Variants in SLAIN2 observed in about 807,000 individuals in gnomAD.
SLAIN2 encodes SLAIN motif-containing protein 2.
Under a neutral mutation model 56.6 loss-of-function variants are expected in SLAIN2, and 31 were observed. That is an observed-to-expected ratio of 0.55 (90% CI 0.41 to 0.74). SLAIN2 has a LOEUF of 0.74. SLAIN2 is among the 30% of genes least tolerant of loss of function. SLAIN2 has a pLI of 0.00. For synonymous variants in SLAIN2, 317 were observed against 284.9 expected (o/e 1.11, Z -1.13); for missense variants, 777 against 754.2 (o/e 1.03, Z -0.35).
At chr4:48,350,194 G>C (rs1462657025) in intron 1 of SLAIN2, among the ~76,000 whole-genome samples, 1 of 152,162 alleles carries the variant, frequency 6.6e-6, no homozygotes, top group Non-Finnish European at 1.5e-5. Flanking sequence ...CTCACATCCT[G>C]TGAGCCTTCT....
rs571522686 is a variant in SLAIN2, at chr4:48,371,994, G to GCA, written c.538+2014_538+2015dup. On this transcript the variant is annotated intron_variant, in intron 2 of 7. Transcript: ENST00000264313. ...TATACACACACACACACACACGCGC[G>GCA]CACACACACACACACACATATACAT... 4.0e-3 allele frequency among the ~76,000 whole-genome samples: 555 copies of GCA among 139,196 alleles called. 1 individual carries two copies. Among genetic ancestry groups the GCA allele is most frequent in the Non-Finnish European group, 5.4e-3 (335 of 62,290 alleles). 91.3% of individuals were successfully genotyped at this position (139,196 alleles called of 152,430 possible).
intron 6 of SLAIN2, among the ~76,000 whole-genome samples, chr4:48,413,731 A>G (rs146331421): frequency 2.0e-5 from 3 of 152,250 alleles, no homozygotes; most frequent in Non-Finnish European, 2.9e-5. Flanking sequence ...TATTTTTATT[A>G]CTATATACTT....
At chr4:48,372,031 TATATAC>T (rs565901733) in intron 2 of SLAIN2, among the ~76,000 whole-genome samples, 2,284 of 144,168 alleles carry the variant, frequency 0.016, 43 homozygotes, top group African/African-American at 0.057. Flanking sequence ...TATACACATA[TATATAC>T]ATATACATAT....
chr4:48,346,276 C>T (rs1714862338), intron 1 of SLAIN2, among the ~76,000 whole-genome samples: 1 of 151,972 alleles, frequency 6.6e-6, no homozygotes, highest in South Asian at 2.1e-4. Flanking sequence ...TTCCTTTTAT[C>T]CAGACTTTTG....
At chr4:48,421,929 A>C in intron 7 of SLAIN2, 82 bp from the exon 8 acceptor site, 1 of 1,133,808 alleles carries the variant, frequency 8.8e-7, no homozygotes, top group Non-Finnish European at 1.3e-6. Context: ...CCTGAAGAGT[A>C]ATTAATATAT....
intron 6 of SLAIN2, among the ~76,000 whole-genome samples, chr4:48,404,294 G>C (rs764701523): frequency 1.3e-4 from 20 of 152,152 alleles, no homozygotes; most frequent in Non-Finnish European, 1.9e-4. Flanking sequence ...TAGACTACTT[G>C]AAAATGGAGA....
At chr4:48,370,138 T>C in intron 2 of SLAIN2, 141 bp downstream of exon 2, 1 of 846,096 alleles carries the variant, frequency 1.2e-6, no homozygotes, top group Non-Finnish European at 1.8e-6. Flanking sequence ...TGAGAGTTTT[T>C]CCCATGTTCA....
At chr4:48,342,742 C>G (rs1479557978) in intron 1 of SLAIN2, among the ~76,000 whole-genome samples, 2 of 40,744 alleles carry the variant, frequency 4.9e-5, no homozygotes, top group East Asian at 8.1e-4. Flanking sequence ...TTTTGTTACT[C>G]TGTGTGAAGA....
rs1716432801 is a variant in SLAIN2, at chr4:48,397,551, G to T, written c.1360+13767G>T. On this transcript the variant is annotated intron_variant, in intron 6 of 7. Transcript: ENST00000264313. ...TGGGGTACATGTGCAGGATGTGCAGGTTTGTTACATAGGTAAATGTGTGCC... is the reference window on the plus strand; with the variant it reads ...TGGGGTACATGTGCAGGATGTGCAGTTTTGTTACATAGGTAAATGTGTGCC... 2.0e-5 allele frequency among the ~76,000 whole-genome samples: 3 copies of T among 152,070 alleles called. No homozygotes were observed. The South Asian group carries it at 6.2e-4, about 32-fold the overall frequency.
chr4:48,341,657 G>T lies in SLAIN2; in HGVS notation c.-83G>T. On this transcript the variant is annotated 5_prime_UTR_variant, in exon 1 of 8. Transcript: ENST00000264313. ...CGGCGCCTCGGCTAGAGTGAGCGGC[G>T]GCGACGCCTCTTTCCTCCGTCTCTT... The T allele has an allele frequency of 6.8e-7, 1 of 1,478,670 alleles. No homozygotes were observed. The allele number at this position is 1,478,670 out of a possible 1,614,324, so 91.6% of individuals were successfully genotyped here. A position where few individuals can be genotyped will look rare whatever the true frequency, so the allele number is the denominator to read the frequency against.
chr4:48,410,439 G>T (rs1453561459), intron 6 of SLAIN2, among the ~76,000 whole-genome samples: 4 of 152,056 alleles, frequency 2.6e-5, no homozygotes, highest in African/African-American at 7.2e-5. Flanking sequence ...TAATTTTGAT[G>T]AAGTATCATT....
chr4:48,378,344 A>G (rs1162309025), intron 3 of SLAIN2, among the ~76,000 whole-genome samples: 1 of 152,266 alleles, frequency 6.6e-6, no homozygotes, highest in Non-Finnish European at 1.5e-5. Flanking sequence ...TCTTTTAATC[A>G]ATAGATCCTT....
intron 6 of SLAIN2, among the ~76,000 whole-genome samples, chr4:48,410,279 G>C: frequency 7.3e-6 from 1 of 136,234 alleles, no homozygotes; most frequent in African/African-American, 2.6e-5. Context: ...TGTTTTTTTA[G>C]TTTTTTTTTT....
chr4:48,366,105 A>T (rs1442981136), intron 1 of SLAIN2, among the ~76,000 whole-genome samples: 1 of 152,142 alleles, frequency 6.6e-6, no homozygotes, highest in Non-Finnish European at 1.5e-5. Flanking sequence ...TTAATTTCCA[A>T]ATATTTGGAA....
At chr4:48,360,116 T>C (rs920975610) in intron 1 of SLAIN2, among the ~76,000 whole-genome samples, 1 of 150,586 alleles carries the variant, frequency 6.6e-6, no homozygotes, top group Non-Finnish European at 1.5e-5. Flanking sequence ...ATCGCGCCAT[T>C]GCATTCCAGC....
intron 1 of SLAIN2, among the ~76,000 whole-genome samples, chr4:48,348,727 G>C (rs1215310573): frequency 6.6e-6 from 1 of 151,342 alleles, no homozygotes; most frequent in Non-Finnish European, 1.5e-5. Context: ...TTAAGACAGA[G>C]TGCTAAGCTT....
chr4:48,362,954 G>T, intron 1 of SLAIN2, among the ~76,000 whole-genome samples: 1 of 79,406 alleles, frequency 1.3e-5, no homozygotes, highest in African/African-American at 5.0e-5. Flanking sequence ...TTAGGGATTG[G>T]TGATGACTCT....
At chr4:48,368,606 A>G (rs1166821703) in intron 1 of SLAIN2, among the ~76,000 whole-genome samples, 4 of 152,212 alleles carry the variant, frequency 2.6e-5, no homozygotes, top group Non-Finnish European at 1.5e-5. Flanking sequence ...CAATTTTTAA[A>G]GTGTAATTGC....
At position 48,370,061 on chromosome 4, in the gene SLAIN2, T is replaced by C. The variant is rs916305168; in HGVS notation, c.538+64T>C. 1.8e-5 allele frequency: 27 copies of C among 1,516,726 alleles called. No homozygotes were observed. In the South Asian group the frequency reaches 1.8e-4, roughly 10 times the overall value. 94.0% of individuals were successfully genotyped at this position (1,516,726 alleles called of 1,614,324 possible). ...TTTCTTTAGTCAAAAACCATAAATA[T>C]TGAGCATTGTGTTTTTAGGAAGCAA... On this transcript the variant is annotated intron_variant, in intron 2 of 7. Coordinates refer to ENST00000264313, the MANE Select transcript of SLAIN2 (RefSeq NM_020846.2).
Sources: allele counts gnomAD v4.1 joint callset (sites outside exome capture counted in the v4.1 genomes callset), GRCh38; gene constraint gnomAD v4.1.1; transcripts MANE v1.5; gene names NCBI Gene and HGNC (gene_info 2026-07-23, HGNC 2026-07-21).